Variants in DAB1 observed in about 807,000 individuals in gnomAD.
The protein encoded by DAB1 is disabled homolog 1.
In DAB1, 15 loss-of-function variants were observed where a neutral mutation model predicts 64.6. The ratio of observed to expected loss-of-function variants is 0.23; its 90% CI spans 0.16 to 0.36. DAB1 has a LOEUF of 0.36. Among genes scored for constraint, DAB1 ranks in the 10% least tolerant of loss-of-function variants. The pLI is 1.00. For missense variants in DAB1, 596 were observed against 706.7 expected (o/e 0.84, Z 1.78); for synonymous variants, 235 against 251.9 (o/e 0.93, Z 0.64).
At chr1:57,618,365 A>G (rs1029201669) in intron 7 of DAB1, among the ~76,000 whole-genome samples, 11 of 151,404 alleles carry the variant, frequency 7.3e-5, no homozygotes, top group Non-Finnish European at 1.5e-4. Flanking sequence ...CAGTAAGACA[A>G]GATCATGCCA....
chr1:58,335,609 G>A (rs905705516), intron 4 of DAB1, among the ~76,000 whole-genome samples: 8 of 150,906 alleles, frequency 5.3e-5, no homozygotes, highest in Admixed American at 6.6e-5. Context: ...GTGGAAACGG[G>A]GGATAACCAG....
intron 5 of DAB1, among the ~76,000 whole-genome samples, chr1:57,954,392 A>G (rs969605804): frequency 6.6e-6 from 1 of 152,162 alleles, no homozygotes; most frequent in African/African-American, 2.4e-5. Flanking sequence ...GAATTTTTAA[A>G]ATGGAACTAA....
intron 2 of DAB1, among the ~76,000 whole-genome samples, chr1:57,214,868 G>A (rs867771590): frequency 3.2e-5 from 4 of 125,924 alleles, no homozygotes; most frequent in South Asian, 2.4e-4. Flanking sequence ...CTGAGATCAC[G>A]CCACTGCACT....
chr1:57,701,264 T>C (rs1646904827), intron 6 of DAB1, among the ~76,000 whole-genome samples: 1 of 152,066 alleles, frequency 6.6e-6, no homozygotes, highest in Non-Finnish European at 1.5e-5. Flanking sequence ...CGTATGTTTA[T>C]TGCAGCACTA....
At chr1:58,068,764 TCAAAAAAAAAAAAAAAC>T (rs1422150164) in intron 5 of DAB1, among the ~76,000 whole-genome samples, 2 of 101,476 alleles carry the variant, frequency 2.0e-5, no homozygotes, top group African/African-American at 4.0e-5. Flanking sequence ...AGACTCCATC[TCAAAAAAAAAAAAAAAC>T]CAAAAAAAAA....
chr1:58,264,074 G>T (rs879850741), intron 4 of DAB1, among the ~76,000 whole-genome samples: 1 of 152,166 alleles, frequency 6.6e-6, no homozygotes, highest in Non-Finnish European at 1.5e-5. Context: ...TGACAAAATT[G>T]GATGAAAATG....
At chr1:57,844,234 G>T (rs566290521) in intron 1 of DAB1, among the ~76,000 whole-genome samples, 1 of 152,160 alleles carries the variant, frequency 6.6e-6, no homozygotes, top group Non-Finnish European at 1.5e-5. Flanking sequence ...CTGAAATAAC[G>T]GATTCATGTA....
chr1:57,839,573 C>T (rs1369885490), intron 1 of DAB1, among the ~76,000 whole-genome samples: 1 of 152,100 alleles, frequency 6.6e-6, no homozygotes, highest in East Asian at 1.9e-4. Context: ...TTCGTTTAAT[C>T]CTTTGCAGGT....
chr1:57,156,460 T>C (rs1660233406), intron 2 of DAB1, among the ~76,000 whole-genome samples: 1 of 152,190 alleles, frequency 6.6e-6, no homozygotes, highest in Admixed American at 6.5e-5. Flanking sequence ...GAACCTAGCG[T>C]GATGCCAGAA....
chr1:57,734,433 C>G (rs770571076), intron 6 of DAB1, among the ~76,000 whole-genome samples: 2 of 152,204 alleles, frequency 1.3e-5, no homozygotes, highest in Non-Finnish European at 2.9e-5. Context: ...AAATGACCAG[C>G]TTGAGGATTG....
chr1:57,422,274 G>T (rs1684974234), intron 1 of DAB1, among the ~76,000 whole-genome samples: 1 of 152,228 alleles, frequency 6.6e-6, no homozygotes, highest in African/African-American at 2.4e-5. Flanking sequence ...CAGGAAGGGA[G>T]CAGGAAGGAG....
chr1:58,266,881 T>G (rs1661179534), intron 4 of DAB1, among the ~76,000 whole-genome samples: 1 of 152,248 alleles, frequency 6.6e-6, no homozygotes, highest in African/African-American at 2.4e-5. Flanking sequence ...GTAATCCATC[T>G]TGGTGGTTCT....
intron 4 of DAB1, among the ~76,000 whole-genome samples, chr1:57,123,532 A>G (rs1408042105): frequency 6.6e-6 from 1 of 152,150 alleles, no homozygotes; most frequent in East Asian, 1.9e-4. Context: ...AACTTTTTAG[A>G]ATATAATTTG....
intron 2 of DAB1, among the ~76,000 whole-genome samples, chr1:57,145,881 C>A (rs1454977124): frequency 6.6e-6 from 1 of 152,170 alleles, no homozygotes; most frequent in Non-Finnish European, 1.5e-5. Flanking sequence ...GGGTCCAAGA[C>A]CCTCTTCCCA....
At chr1:57,578,746 G>A (rs1645279356) in intron 7 of DAB1, among the ~76,000 whole-genome samples, 1 of 152,188 alleles carries the variant, frequency 6.6e-6, no homozygotes, top group Non-Finnish European at 1.5e-5. Flanking sequence ...TATTAATTTA[G>A]TTACACATTC....
At chr1:57,041,341 C>T (rs3768203) in intron 9 of DAB1, among the ~76,000 whole-genome samples, 65,060 of 151,956 alleles carry the variant, frequency 0.43, 14,056 homozygotes, top group Middle Eastern at 0.52. Flanking sequence ...AGCACTTAGA[C>T]GGTGTCCATT....
At chr1:57,226,695 A>ATATATATATATATT (rs1667295792) in intron 2 of DAB1, among the ~76,000 whole-genome samples, 1 of 147,634 alleles carries the variant, frequency 6.8e-6, no homozygotes, top group African/African-American at 2.5e-5. Context: ...ATATATATAT[A>ATATATATATATATT]TATCAGTGTT....
At chr1:58,496,799 G>GTTAATTT (rs1305099810) in intron 3 of DAB1, among the ~76,000 whole-genome samples, 1 of 152,128 alleles carries the variant, frequency 6.6e-6, no homozygotes, top group African/African-American at 2.4e-5. Context: ...TATTCCATTA[G>GTTAATTT]GGTTAATTTG....
At chr1:58,300,545 AAAGAAAGAAAGAAAG>A (rs1256896544) in intron 4 of DAB1, among the ~76,000 whole-genome samples, 3 of 20,930 alleles carry the variant, frequency 1.4e-4, no homozygotes, top group Non-Finnish European at 2.9e-4. Flanking sequence ...GAAACTCTGA[AAAGAAAGAAAGAAAG>A]AAAGAAAGAA....
Sources: allele counts gnomAD v4.1 joint callset (sites outside exome capture counted in the v4.1 genomes callset), GRCh38; gene constraint gnomAD v4.1.1; transcripts MANE v1.5; gene names NCBI Gene and HGNC (gene_info 2026-07-23, HGNC 2026-07-21).